ZNF618: variants seen among roughly 807,000 people sequenced by gnomAD.
The protein encoded by ZNF618 is zinc finger protein 618.
ZNF618 carries 34 observed loss-of-function variants against 103.0 expected under a neutral mutation model. The observed-to-expected ratio is 0.33, with a 90% CI of 0.25 to 0.44. The LOEUF (loss-of-function observed/expected upper bound fraction) is 0.44. Among genes scored for constraint, ZNF618 ranks in the 20% least tolerant of loss-of-function variants. The pLI is 1.00. For synonymous variants in ZNF618, 551 were observed against 542.2 expected, an observed-to-expected ratio of 1.02 and a Z score of -0.23; for missense variants, 1,059 against 1,295.4, an observed-to-expected ratio of 0.82 and a Z score of 2.80.
intron 1 of ZNF618, among the ~76,000 whole-genome samples, chr9:113,901,918 G>A (rs914429921): frequency 1.3e-5 from 2 of 152,102 alleles, no homozygotes; most frequent in Non-Finnish European, 2.9e-5. Flanking sequence ...CAGTGGGGGG[G>A]ACATCGCGCT....
At chr9:113,954,389 G>T (rs745706340) in intron 1 of ZNF618, among the ~76,000 whole-genome samples, 2 of 152,164 alleles carry the variant, frequency 1.3e-5, no homozygotes, top group Non-Finnish European at 1.5e-5. Flanking sequence ...AGCAACACTG[G>T]AGTTACAATA....
chr9:114,042,005 TG>T (rs1845232285), intron 13 of ZNF618, among the ~76,000 whole-genome samples: 1 of 152,316 alleles, frequency 6.6e-6, no homozygotes, highest in South Asian at 2.1e-4. Flanking sequence ...TTTATTTCCT[TG>T]AGCAGTGATT....
At chr9:114,011,185 C>T (rs13298270) in intron 9 of ZNF618, among the ~76,000 whole-genome samples, 44,396 of 152,102 alleles carry the variant, frequency 0.29, 7,926 homozygotes, top group East Asian at 0.61. Flanking sequence ...GTTTCTCTAC[C>T]TCTAAATGGG....
At chr9:114,005,174 T>C (rs1841622803) in intron 6 of ZNF618, among the ~76,000 whole-genome samples, 1 of 152,150 alleles carries the variant, frequency 6.6e-6, no homozygotes, top group South Asian at 2.1e-4. Context: ...CTGCCGCACT[T>C]ATACCTGGTA....
In ZNF618 at chr9:114,028,921, C is replaced by A; in HGVS notation, c.1033C>A (p.Gln345Lys). Residue 345 changes from glutamine to lysine, a missense_variant, in exon 11 of 15, where the codon CAG (glutamine) becomes AAG (lysine). Gln to Lys is a moderately conservative substitution (Grantham distance 53). Transcript: ENST00000374126. ...LHRTPPATQT[Q>K]TFRTPNSGSP... Reference sequence around the variant, plus strand: ...CCGCACCCCTCCAGCCACCCAAACCCAGACGTTCCGCACTCCAAATTCGGG... The same window carrying A: ...CCGCACCCCTCCAGCCACCCAAACCAAGACGTTCCGCACTCCAAATTCGGG... 1 of 1,550,818 alleles carries A rather than the reference C, an allele frequency of 6.4e-7. No individual in the cohort carries two copies. The highest frequency in any genetic ancestry group is 8.7e-7 in the Non-Finnish European group (1 of 1,147,014).
chr9:113,998,423 C>T, intron 4 of ZNF618, 69 bp downstream of exon 4: 1 of 1,396,738 alleles, frequency 7.2e-7, no homozygotes, highest in Non-Finnish European at 9.9e-7. Flanking sequence ...TGGACACAGC[C>T]ATCAGTTACA....
chr9:114,041,566 C>T (rs1487208637), intron 13 of ZNF618, among the ~76,000 whole-genome samples: 1 of 152,212 alleles, frequency 6.6e-6, no homozygotes, highest in Non-Finnish European at 1.5e-5. Context: ...GTTTTCCCAG[C>T]ACCATTTATT....
Position 113,988,420 on chromosome 9 carries a change from G to A in ZNF618, c.177G>A (p.Glu59=). 1 of 1,613,684 alleles carries A rather than the reference G, an allele frequency of 6.2e-7. No individual in the cohort carries two copies. The highest frequency in any genetic ancestry group is 8.5e-7 in the Non-Finnish European group (1 of 1,179,896). The change falls in exon 3 of 15, where the codon GAG becomes GAA. Residue 59 remains glutamate, a synonymous_variant. Transcript: ENST00000374126. ...SLSAEQGTMT[E]VKVKTELPDD... is the part of the protein sequence containing the mutation. ...GTGCCGAGCAAGGAACGATGACGGA[G>A]GTGAAGGTGAAGACAGAGCTGCCCG...
chr9:113,881,510 T>C (rs1432375398), intron 1 of ZNF618, among the ~76,000 whole-genome samples: 1 of 152,236 alleles, frequency 6.6e-6, no homozygotes, highest in Admixed American at 6.5e-5. Context: ...ATTATTAATG[T>C]GACAAGTTAC....
chr9:113,886,971 CTTT>C (rs57000343), intron 1 of ZNF618, among the ~76,000 whole-genome samples: 3,297 of 109,106 alleles, frequency 0.03, 43 homozygotes, highest in African/African-American at 0.046. Context: ...TTACTTTCTA[CTTT>C]TTTTTTTTTT....
chr9:113,890,920 G>A (rs773607709), intron 1 of ZNF618, among the ~76,000 whole-genome samples: 1 of 152,128 alleles, frequency 6.6e-6, no homozygotes, highest in Admixed American at 6.5e-5. Flanking sequence ...TGAATTGCCT[G>A]TTCAACCTTT....
chr9:113,958,404 G>A (rs1163724403), intron 1 of ZNF618, among the ~76,000 whole-genome samples: 3 of 152,300 alleles, frequency 2.0e-5, no homozygotes, highest in Non-Finnish European at 2.9e-5. Context: ...GCTGGCACAC[G>A]GGAGGTGCCC....
intron 10 of ZNF618, among the ~76,000 whole-genome samples, chr9:114,024,236 C>A (rs1247927862): frequency 6.6e-6 from 1 of 152,088 alleles, no homozygotes; most frequent in Non-Finnish European, 1.5e-5. Flanking sequence ...ATTAAGTGAA[C>A]TTTTTATTTC....
Position 114,007,996 on chromosome 9 carries a change from TTCTC to T in ZNF618, c.641-343_641-340del, listed in dbSNP as rs1431326296. ...GCCCATCTCTTTTCTCACCTCGTCT[TTCTC>T]TCTCCTCCCAATCTCTTCCTCTTTT... is the stretch of plus-strand genomic sequence containing the variant. On this transcript the variant is annotated intron_variant, in intron 7 of 14. Coordinates refer to ENST00000374126, the MANE Select transcript of ZNF618 (RefSeq NM_001318042.2). Among the ~76,000 whole-genome samples, 10 of 152,158 alleles carry T rather than the reference TTCTC, an allele frequency of 6.6e-5. No homozygotes were observed. In the East Asian group the frequency reaches 1.2e-3, roughly 18 times the overall value.
intron 1 of ZNF618, among the ~76,000 whole-genome samples, chr9:113,947,321 A>G (rs1225171461): frequency 6.6e-6 from 1 of 152,202 alleles, no homozygotes; most frequent in African/African-American, 2.4e-5. Context: ...CCTCTGGACA[A>G]TTGAGATAAG....
chr9:114,049,882 C>T lies in ZNF618; in HGVS notation c.2580C>T (p.Asn860=). 1 of 1,613,942 alleles carries T rather than the reference C, an allele frequency of 6.2e-7. No homozygotes were observed. Among genetic ancestry groups the T allele is most frequent in the Non-Finnish European group, 8.5e-7 (1 of 1,179,906 alleles). Residue 860 remains asparagine (N), a synonymous_variant, in exon 15 of 15, where the codon AAC becomes AAT. Transcript: ENST00000374126. The stretch of plus-strand genomic sequence containing the variant: ...AGCCCCGCTCTGCTGCCGTCGAGAA[C>T]CCCGCAGCTCAGGAAGATGATCGGC... ...AKKPRSAAVE[N]PAAQEDDRLG...
rs529901467 is a variant in ZNF618 at position 113,927,426 on chromosome 9, T to A, written c.34-41691T>A. Among the ~76,000 whole-genome samples, 30 of 152,366 alleles carry A rather than the reference T, an allele frequency of 2.0e-4. No individual in the cohort carries two copies. The East Asian group carries it at 5.8e-3, about 29-fold the overall frequency. On this transcript the variant is annotated intron_variant, in intron 1 of 14. Coordinates refer to ENST00000374126, the MANE Select transcript of ZNF618 (RefSeq NM_001318042.2). The stretch of plus-strand genomic sequence containing the variant: ...GACCAATCCTTGTAGTTCTTTCAGC[T>A]GTGATCCCATTAGCATACAGGAGTC...
intron 1 of ZNF618, among the ~76,000 whole-genome samples, chr9:113,948,133 G>A (rs1344516278): frequency 6.6e-6 from 1 of 152,164 alleles, no homozygotes; most frequent in Non-Finnish European, 1.5e-5. Flanking sequence ...TCTGCTGTGG[G>A]TCATACATGC....
intron 1 of ZNF618, among the ~76,000 whole-genome samples, chr9:113,962,942 T>C (rs144173687): frequency 1.7e-4 from 26 of 152,376 alleles, no homozygotes; most frequent in Admixed American, 3.3e-4. Flanking sequence ...CCCAACTGCC[T>C]AAAATGATGT....
Sources: allele counts gnomAD v4.1 joint callset (sites outside exome capture counted in the v4.1 genomes callset), GRCh38; gene constraint gnomAD v4.1.1; transcripts MANE v1.5; gene names NCBI Gene and HGNC (gene_info 2026-07-23, HGNC 2026-07-21).